SYT9: variants seen among roughly 807,000 people sequenced by gnomAD.
SYT9 encodes synaptotagmin-9.
SYT9 carries 22 observed loss-of-function variants against 48.4 expected under a neutral mutation model. The ratio of observed to expected loss-of-function variants is 0.45; its 90% CI spans 0.32 to 0.65. The LOEUF is 0.65. Ranked by LOEUF, SYT9 falls within the 30% of genes least tolerant of loss-of-function variation. SYT9 has a pLI of 0.03. For synonymous variants in SYT9, 265 were observed against 245.0 expected, an observed-to-expected ratio of 1.08 and a Z score of -0.76; for missense variants, 577 against 622.0, an observed-to-expected ratio of 0.93 and a Z score of 0.77.
intron 6 of SYT9, among the ~76,000 whole-genome samples, chr11:7,446,235 A>C (rs1462795203): frequency 1.3e-5 from 2 of 152,254 alleles, no homozygotes; most frequent in Non-Finnish European, 2.9e-5. Context: ...TTCAAGGATA[A>C]TCATGGTTAT....
intron 3 of SYT9, among the ~76,000 whole-genome samples, chr11:7,370,072 C>T (rs531186434): frequency 1.3e-5 from 2 of 152,104 alleles, no homozygotes; most frequent in African/African-American, 4.8e-5. Flanking sequence ...CCCCCAAGTC[C>T]CCAAAGTCCG....
At chr11:7,255,870 A>C (rs1251140559) in intron 1 of SYT9, among the ~76,000 whole-genome samples, 1 of 152,172 alleles carries the variant, frequency 6.6e-6, no homozygotes, top group African/African-American at 2.4e-5. Flanking sequence ...TATCCTCTTT[A>C]ATGTCAATTG....
At chr11:7,274,596 G>T (rs141973271) in intron 1 of SYT9, among the ~76,000 whole-genome samples, 1 of 152,156 alleles carries the variant, frequency 6.6e-6, no homozygotes, top group Non-Finnish European at 1.5e-5. Context: ...GGGATTATAG[G>T]CATGAGCCAC....
intron 6 of SYT9, chr11:7,434,907 C>T (rs1272089850): frequency 2.0e-5 from 3 of 152,186 alleles, no homozygotes. Context: ...AATGGCTCTT[C>T]TCCTGCTCCT....
intron 1 of SYT9, among the ~76,000 whole-genome samples, chr11:7,271,720 G>A (rs1848299576): frequency 6.6e-6 from 1 of 152,080 alleles, no homozygotes; most frequent in Non-Finnish European, 1.5e-5. Context: ...GGGACTACAG[G>A]CACGTGCCAC....
intron 1 of SYT9, among the ~76,000 whole-genome samples, chr11:7,272,897 T>C (rs530015311): frequency 6.6e-6 from 1 of 152,316 alleles, no homozygotes; most frequent in African/African-American, 2.4e-5. Flanking sequence ...GCATGTGACC[T>C]TAGGGACCCT....
intron 3 of SYT9, among the ~76,000 whole-genome samples, chr11:7,356,287 A>G (rs1231086388): frequency 6.6e-6 from 1 of 152,192 alleles, no homozygotes; most frequent in Non-Finnish European, 1.5e-5. Context: ...AGTTCTCAAA[A>G]TTTAATTTCA....
At chr11:7,331,674 A>G (rs1849535114) in intron 3 of SYT9, among the ~76,000 whole-genome samples, 1 of 152,114 alleles carries the variant, frequency 6.6e-6, no homozygotes, top group Admixed American at 6.5e-5. Context: ...GCAATGAACC[A>G]TGATTGTGCC....
intron 6 of SYT9, chr11:7,434,889 C>G (rs1460687047): frequency 1.3e-5 from 2 of 152,178 alleles, no homozygotes; most frequent in African/African-American, 4.8e-5. Flanking sequence ...GTTCCCAGGA[C>G]TGGGGCTAAT....
chr11:7,251,099 G>GACACAC (rs369736479), upstream of SYT9, among the ~76,000 whole-genome samples: 1,703 of 131,972 alleles, frequency 0.013, 24 homozygotes, highest in African/African-American at 0.03. Context: ...GTGGCACAGT[G>GACACAC]ACACACACAC....
At chr11:7,306,230 G>A (rs1849028354) in intron 2 of SYT9, among the ~76,000 whole-genome samples, 1 of 152,030 alleles carries the variant, frequency 6.6e-6, no homozygotes, top group Admixed American at 6.6e-5. Flanking sequence ...GAAAATCCCT[G>A]GATCCCCAAA....
chr11:7,407,799 T>G (rs1373168611), intron 3 of SYT9, among the ~76,000 whole-genome samples: 1 of 152,240 alleles, frequency 6.6e-6, no homozygotes, highest in Non-Finnish European at 1.5e-5. Flanking sequence ...GAATGTATTC[T>G]TTCTCCTTGG....
intron 3 of SYT9, among the ~76,000 whole-genome samples, chr11:7,352,433 A>G (rs947004687): frequency 2.0e-5 from 3 of 152,210 alleles, no homozygotes; most frequent in Non-Finnish European, 4.4e-5. Flanking sequence ...CAATACTGAA[A>G]TCAACGAATG....
intron 3 of SYT9, among the ~76,000 whole-genome samples, chr11:7,373,411 T>G (rs1332494934): frequency 6.6e-6 from 1 of 152,098 alleles, no homozygotes; most frequent in Admixed American, 6.6e-5. Context: ...ACCTCACCTC[T>G]CCTCTTCCTA....
chr11:7,355,542 A>G (rs1162070862), intron 3 of SYT9, among the ~76,000 whole-genome samples: 1 of 152,214 alleles, frequency 6.6e-6, no homozygotes, highest in Non-Finnish European at 1.5e-5. Flanking sequence ...AAAAGCATGT[A>G]TGTGATGCAG....
intron 3 of SYT9, among the ~76,000 whole-genome samples, chr11:7,371,876 A>T (rs998917260): frequency 1.3e-5 from 2 of 152,190 alleles, no homozygotes; most frequent in African/African-American, 4.8e-5. Context: ...TGAATATAGC[A>T]GAATTTGTTT....
chr11:7,418,681 G>A (rs1290850215), intron 5 of SYT9, among the ~76,000 whole-genome samples: 1 of 152,168 alleles, frequency 6.6e-6, no homozygotes, highest in African/African-American at 2.4e-5. Flanking sequence ...TGGATGACAA[G>A]GTACATTAAA....
chr11:7,397,520 A>G (rs1254790524), intron 3 of SYT9, among the ~76,000 whole-genome samples: 2 of 152,228 alleles, frequency 1.3e-5, no homozygotes, highest in East Asian at 1.9e-4. Flanking sequence ...TTGCATTTTC[A>G]TATTAATTTT....
chr11:7,384,504 A>G (rs968762487), intron 3 of SYT9, among the ~76,000 whole-genome samples: 5 of 152,158 alleles, frequency 3.3e-5, no homozygotes, highest in African/African-American at 4.8e-5. Flanking sequence ...CACTTCTTCC[A>G]TTAGAAAATC....
Sources: gnomAD v4.1 joint callset for allele counts (sites outside exome capture counted in the v4.1 genomes callset) on GRCh38, gnomAD v4.1.1 for gene constraint, MANE v1.5 for transcripts, NCBI Gene and HGNC (gene_info 2026-07-23, HGNC 2026-07-21) for gene names.